FMN1: variants seen among roughly 807,000 people sequenced by gnomAD.
The protein encoded by FMN1 is formin 1, also known as formin-1.
FMN1 carries 110 observed loss-of-function variants against 132.4 expected under a neutral mutation model. That is an observed-to-expected ratio of 0.83 (90% CI 0.71 to 0.97). The LOEUF is 0.97. FMN1 is among the 50% of genes least tolerant of loss of function. The pLI, the probability that FMN1 is intolerant of heterozygous loss-of-function variation, is 0.00. For missense variants in FMN1, 1,792 were observed against 1,705.3 expected (o/e 1.05, Z -0.90); for synonymous variants, 722 against 651.7 (o/e 1.11, Z -1.64).
At chr15:33,008,675 T>C (rs1478397648) in intron 6 of FMN1, among the ~76,000 whole-genome samples, 2 of 151,966 alleles carry the variant, frequency 1.3e-5, no homozygotes, top group African/African-American at 2.4e-5. Context: ...ATGAGTCTAA[T>C]AATGTTTATT....
intron 20 of FMN1, among the ~76,000 whole-genome samples, chr15:32,776,076 C>A (rs1033593946): frequency 2.6e-5 from 4 of 151,662 alleles, no homozygotes; most frequent in Non-Finnish European, 5.9e-5. Flanking sequence ...CTCAAAATAA[C>A]CCCAAAAAAA....
chr15:32,910,740 C>T (rs929967576), intron 10 of FMN1, among the ~76,000 whole-genome samples: 1 of 152,244 alleles, frequency 6.6e-6, no homozygotes, highest in Non-Finnish European at 1.5e-5. Context: ...TGAGCCTTGG[C>T]TCTGCCTTGT....
chr15:33,033,231 C>T (rs8037860), intron 6 of FMN1, among the ~76,000 whole-genome samples: 41,055 of 151,940 alleles, frequency 0.27, 5,740 homozygotes, highest in Non-Finnish European at 0.3. Context: ...GGGGTTTCAC[C>T]GTGTTAGCCA....
chr15:33,088,964 A>G lies in FMN1; in HGVS notation c.1878T>C (p.Ser626=), dbSNP rs1483501786. ...PQHQSPPGIS[S]EGFPWDGFNE... ...TGAAGCCGTCCCAGGGAAAGCCCTC[A>G]GAGGAGATACCTAAACAAACACAGA... The change falls in exon 5 of 21, where the codon TCT becomes TCC. Residue 626 remains serine (S), a synonymous_variant. Coordinates refer to ENST00000616417, the MANE Select transcript of FMN1 (RefSeq NM_001277313.2). The G allele has an allele frequency of 2.6e-6, 4 of 1,534,452 alleles. No homozygotes were observed. The East Asian group carries it at 7.3e-5, about 28-fold the overall frequency.
intron 10 of FMN1, among the ~76,000 whole-genome samples, chr15:32,919,412 C>G (rs530979620): frequency 6.6e-6 from 1 of 152,288 alleles, no homozygotes; most frequent in South Asian, 2.1e-4. Flanking sequence ...GAATTTATCA[C>G]TAAGGCTACT....
intron 15 of FMN1, among the ~76,000 whole-genome samples, chr15:32,895,753 G>A (rs542073354): frequency 1.3e-4 from 11 of 84,844 alleles, no homozygotes; most frequent in Admixed American, 9.5e-4. Flanking sequence ...TTTTTTTCTT[G>A]TTAATTCTCG....
chr15:32,799,118 CTA>C (rs2057391238), intron 18 of FMN1, among the ~76,000 whole-genome samples, 165 bp from the exon 19 acceptor site: 1 of 152,148 alleles, frequency 6.6e-6, no homozygotes, highest in African/African-American at 2.4e-5. Flanking sequence ...CTCAGAAAAT[CTA>C]TTTGCTCAAA....
At position 32,772,189 on chromosome 15, in the gene FMN1, T is replaced by C. The variant is rs544206605; in HGVS notation, c.*2121A>G. 6.6e-5 allele frequency: 10 copies of C among 152,374 alleles called. No homozygotes were observed. The highest frequency in any genetic ancestry group is 5.9e-4 in the Admixed American group (9 of 15,304). 9.4% of individuals were successfully genotyped at this position (152,374 alleles called of 1,614,324 possible). On this transcript the variant is annotated 3_prime_UTR_variant, in exon 21 of 21. Coordinates refer to ENST00000616417, the MANE Select transcript of FMN1 (RefSeq NM_001277313.2). ...GTTCTCACTCATTATTCTTCAGCAC[T>C]GGTTCCTGAAGGGTTACGTGGCCAC...
intron 9 of FMN1, among the ~76,000 whole-genome samples, chr15:32,945,946 A>G (rs1359723789): frequency 6.6e-6 from 1 of 152,178 alleles, no homozygotes; most frequent in Non-Finnish European, 1.5e-5. Flanking sequence ...CATAATGTAC[A>G]CTACTTACAA....
chr15:33,158,553 C>T (rs191267242), intron 3 of FMN1, among the ~76,000 whole-genome samples: 65 of 152,126 alleles, frequency 4.3e-4, no homozygotes, highest in African/African-American at 1.2e-3. Flanking sequence ...AGGAGCAGAA[C>T]AGAGGAAGAA....
chr15:33,166,987 A>C (rs1267857374), intron 3 of FMN1, among the ~76,000 whole-genome samples: 1 of 152,204 alleles, frequency 6.6e-6, no homozygotes, highest in Non-Finnish European at 1.5e-5. Context: ...AGGGGCAGGA[A>C]GATAGCAATT....
At chr15:32,809,588 T>C (rs180799153) in intron 17 of FMN1, among the ~76,000 whole-genome samples, 335 of 152,246 alleles carry the variant, frequency 2.2e-3, no homozygotes, top group Non-Finnish European at 3.7e-3. Context: ...ACTTTGCTCC[T>C]TCTGTTTCTA....
chr15:33,117,419 G>A (rs1333702346), intron 4 of FMN1, among the ~76,000 whole-genome samples: 7 of 152,196 alleles, frequency 4.6e-5, no homozygotes, highest in African/African-American at 1.7e-4. Flanking sequence ...GGGGCTGAGA[G>A]ATTGACAAGG....
rs1388516151 is a variant in FMN1, at chr15:33,042,775, C to T, written c.2161+22182G>A. Among the ~76,000 whole-genome samples, 3 of 49,062 alleles carry T rather than the reference C, an allele frequency of 6.1e-5. No homozygotes were observed. The East Asian group carries it at 7.3e-4, about 12-fold the overall frequency. 32.2% of individuals were successfully genotyped at this position (49,062 alleles called of 152,430 possible). On this transcript the variant is annotated intron_variant, in intron 6 of 20. Transcript: ENST00000616417. ...TCATTAAATACAGAAAAGAACCCCC[C>T]AACTTTTTTTTTTTAAACAAAACAC... is the stretch of plus-strand genomic sequence containing the variant.
At position 33,177,924 on chromosome 15, in the gene FMN1, C is replaced by T. The variant is rs1965569484; in HGVS notation, c.-132+2274G>A. Among the ~76,000 whole-genome samples, 5 of 152,114 alleles carry T rather than the reference C, an allele frequency of 3.3e-5. No individual in the cohort carries two copies. In the South Asian group the frequency reaches 1.0e-3, roughly 32 times the overall value. On this transcript the variant is annotated intron_variant, in intron 3 of 20. Transcript: ENST00000616417. ...TTGGGAGGCTGAGGCAGGAGAATTGCTTGAACCCAGGAGGCAGAGGTTACA... is the reference window on the plus strand; with the variant it reads ...TTGGGAGGCTGAGGCAGGAGAATTGTTTGAACCCAGGAGGCAGAGGTTACA...
At chr15:32,832,136 A>T (rs1251258821) in intron 17 of FMN1, among the ~76,000 whole-genome samples, 2 of 152,192 alleles carry the variant, frequency 1.3e-5, no homozygotes, top group Non-Finnish European at 2.9e-5. Context: ...AAAAATAGCT[A>T]TACCCCAAAG....
intron 17 of FMN1, among the ~76,000 whole-genome samples, chr15:32,838,258 A>G (rs1014694669): frequency 3.3e-5 from 5 of 152,120 alleles, no homozygotes; most frequent in African/African-American, 1.2e-4. Flanking sequence ...AGAGAGAAAA[A>G]ATTAAAAGCG....
rs147679575 is a variant in FMN1 at position 32,846,848 on chromosome 15, G to C, written c.3928+10167C>G. Among the ~76,000 whole-genome samples the C allele has an allele frequency of 2.4e-4, 36 of 152,260 alleles. No homozygotes were observed. In the East Asian group the frequency reaches 6.4e-3, roughly 27 times the overall value. ...TGATAGACTGGATAAAGAAAATGTG[G>C]TACATATATACCATGGAATACTATG... On this transcript the variant is annotated intron_variant, in intron 17 of 20. Transcript: ENST00000616417.
chr15:33,043,643 G>A (rs1031211412), intron 6 of FMN1, among the ~76,000 whole-genome samples: 3 of 152,230 alleles, frequency 2.0e-5, no homozygotes, highest in Non-Finnish European at 2.9e-5. Context: ...CAGGAGTACT[G>A]TGTAAACAAG....
Sources: allele counts gnomAD v4.1 joint callset (sites outside exome capture counted in the v4.1 genomes callset), GRCh38; gene constraint gnomAD v4.1.1; transcripts MANE v1.5; gene names NCBI Gene and HGNC (gene_info 2026-07-23, HGNC 2026-07-21).